ENC1: variants seen among roughly 807,000 people sequenced by gnomAD.
ENC1 encodes the protein ectodermal-neural cortex 1.
ENC1 carries 19 observed loss-of-function variants against 40.9 expected under a neutral mutation model. That is an observed-to-expected ratio of 0.46 (90% confidence interval 0.32 to 0.68). The LOEUF (loss-of-function observed/expected upper bound fraction) is 0.68, where lower values mean the gene tolerates loss of function less well. Among genes scored for constraint, ENC1 ranks in the 30% least tolerant of loss-of-function variants. ENC1 has a pLI of 0.03. For missense variants in ENC1, 479 were observed against 737.5 expected, an observed-to-expected ratio of 0.65 and a Z score of 4.06; for synonymous variants, 285 against 291.1, an observed-to-expected ratio of 0.98 and a Z score of 0.21.
At chr5:74,631,381 T>C (rs1747387679) in intron 2 of ENC1, among the ~76,000 whole-genome samples, 2 of 152,218 alleles carry the variant, frequency 1.3e-5, no homozygotes, top group Non-Finnish European at 2.9e-5. Context: ...GGAAACTTTC[T>C]GTTAAACACT....
In ENC1 at chr5:74,640,594, G is replaced by C. The variant is rs1224259622; in HGVS notation, c.-301C>G. On this transcript the variant is annotated 5_prime_UTR_variant, in exon 1 of 3. Transcript: ENST00000302351. Reference sequence around the variant, plus strand: ...GCAAGCCTGCCACTGCAGGCGCCGCGGAAGGAGGCGGGCTGTGCGCTCGGG... The same window carrying C: ...GCAAGCCTGCCACTGCAGGCGCCGCCGAAGGAGGCGGGCTGTGCGCTCGGG... 6.6e-6 allele frequency: 1 copy of C among 152,368 alleles called. No individual in the cohort carries two copies. The highest frequency in any genetic ancestry group is 6.5e-5 in the Admixed American group (1 of 15,296). 9.4% of individuals were successfully genotyped at this position (152,368 alleles called of 1,614,324 possible). A position where few individuals can be genotyped will look rare whatever the true frequency, so the allele number is the denominator to read the frequency against.
intron 1 of ENC1, 39 bp downstream of exon 1, chr5:74,640,268 A>C (rs1223134978): frequency 2.0e-5 from 3 of 153,060 alleles, no homozygotes; most frequent in East Asian, 3.8e-4. Context: ...TGAAGCCCGC[A>C]GCGCCTGCAA....
intron 1 of ENC1, among the ~76,000 whole-genome samples, chr5:74,638,836 C>T (rs1747711793): frequency 6.6e-6 from 1 of 152,202 alleles, no homozygotes; most frequent in Admixed American, 6.5e-5. Context: ...GAATGAGGCT[C>T]CCTGAAACTA....
rs1326116298 is a variant in ENC1, at chr5:74,635,039, G to A, written c.1447C>T (p.Arg483Cys). ...CCCAGCACAGCTGCTGCTGTGTAAC[G>A]CCAGGGCTGGGGACAGGTGGCCGGT... is the stretch of plus-strand genomic sequence containing the variant. ...TVPATCPQPW[R>C]YTAAAVLGNQ... The change falls in exon 2 of 3, where the codon CGT (arginine) becomes TGT (cysteine). Residue 483 changes from arginine (R) to cysteine (C), a missense_variant. Arg to Cys is a radical substitution (Grantham distance 180). Transcript: ENST00000302351. This position sits in a 1 kb window ranked among gnomAD's most constrained non-coding sequence, Gnocchi z 5.5. 7 of 1,614,150 alleles carry A rather than the reference G, an allele frequency of 4.3e-6. No individual in the cohort carries two copies. The highest frequency in any genetic ancestry group is 2.7e-5 in the African/African-American group (2 of 75,046).
At chr5:74,633,148 A>G (rs764949995) in intron 2 of ENC1, among the ~76,000 whole-genome samples, 2 of 152,212 alleles carry the variant, frequency 1.3e-5, no homozygotes, top group Non-Finnish European at 2.9e-5. Flanking sequence ...TGAATCACCA[A>G]AACAAGTCAA....
chr5:74,634,990 C>G lies in ENC1; in HGVS notation c.1496G>C (p.Gly499Ala). The G allele has an allele frequency of 6.2e-7, 1 of 1,614,052 alleles. No homozygotes were observed. The highest frequency in any genetic ancestry group is 8.5e-7 in the Non-Finnish European group (1 of 1,179,934). ...AGAGCAGGCAGAGAATTCTGTATCA[C>G]CCCCCATAATAAAAATCTGGTTCCC... The part of the protein sequence containing the change: ...VLGNQIFIMG[G>A]DTEFSACSAY... Residue 499 changes from glycine to alanine, a missense_variant, in exon 2 of 3, where the codon GGT becomes GCT. Transcript: ENST00000302351.
Position 74,636,533 on chromosome 5 carries a change from G to T in ENC1, c.-13-35C>A. The T allele has an allele frequency of 8.3e-7, 1 of 1,202,422 alleles. No homozygotes were observed. Among genetic ancestry groups the T allele is most frequent in the Non-Finnish European group, 1.2e-6 (1 of 851,484 alleles). 74.5% of individuals were successfully genotyped at this position (1,202,422 alleles called of 1,614,324 possible). On this transcript the variant is annotated intron_variant, in intron 1 of 2. Coordinates refer to ENST00000302351, the MANE Select transcript of ENC1 (RefSeq NM_003633.4). This position sits in a 1 kb window ranked among gnomAD's most constrained non-coding sequence, Gnocchi z 4.8. ...ATAATAATAATAAATTGAAAATGATGCTCCTGATGTTCAGAACAGCAGAAC... is the reference window on the plus strand; with the variant it reads ...ATAATAATAATAAATTGAAAATGATTCTCCTGATGTTCAGAACAGCAGAAC...
Position 74,636,034 on chromosome 5 carries a change from C to G in ENC1, c.452G>C (p.Gly151Ala). 1 of 1,614,130 alleles carries G rather than the reference C, an allele frequency of 6.2e-7. No individual in the cohort carries two copies. The highest frequency in any genetic ancestry group is 8.5e-7 in the Non-Finnish European group (1 of 1,180,016). The change falls in exon 2 of 3, where the codon GGC becomes GCC. Residue 151 changes from glycine (G) to alanine (A), a missense_variant. Transcript: ENST00000302351. The surrounding 1 kb of genome is among the most constrained non-coding windows in gnomAD (Gnocchi z 4.8). ...GTGTGCATCAGACAGCAGCAGCATG[C>G]CCAGGCAGTTGGTGGGATGCAGGTT... is the stretch of plus-strand genomic sequence containing the variant. ...EKNLHPTNCL[G>A]MLLLSDAHQC...
chr5:74,636,580 CA>C lies in ENC1; in HGVS notation c.-13-83del. 1.3e-6 allele frequency: 1 copy of C among 791,614 alleles called. No individual in the cohort carries two copies. The highest frequency in any genetic ancestry group is 2.0e-6 in the Non-Finnish European group (1 of 502,380). The allele number at this position is 791,614 out of a possible 1,614,324, so 49.0% of individuals were successfully genotyped here. ...GAACGAAAGCAACAATGGTTTTGCA[CA>C]AAAAACAGAACACTTTGTTGTTGAC... On this transcript the variant is annotated intron_variant, in intron 1 of 2. Transcript: ENST00000302351. This position sits in a 1 kb window ranked among gnomAD's most constrained non-coding sequence, Gnocchi z 4.8.
At chr5:74,631,132 C>A (rs1004210083) in intron 2 of ENC1, among the ~76,000 whole-genome samples, 1 of 151,052 alleles carries the variant, frequency 6.6e-6, no homozygotes, top group African/African-American at 2.4e-5. Context: ...ACCCTCCCCC[C>A]AAAAAATTGC....
rs1486753652 is a variant in ENC1 at position 74,635,614 on chromosome 5, C to T, written c.872G>A (p.Arg291Gln). The change falls in exon 2 of 3, where the codon CGG (arginine) becomes CAG (glutamine). Residue 291 changes from arginine to glutamine, a missense_variant. Physicochemically the swap from Arg to Gln is conservative, Grantham distance 43. Coordinates refer to ENST00000302351, the MANE Select transcript of ENC1 (RefSeq NM_003633.4). The surrounding 1 kb of genome is among the most constrained non-coding windows in gnomAD (Gnocchi z 5.5). ...AAGGAAGAGGGCATGGCCAGTTTTCCGAGGTCGGGCACAGAGGCTGGTTAC... is the reference window on the plus strand; with the variant it reads ...AAGGAAGAGGGCATGGCCAGTTTTCTGAGGTCGGGCACAGAGGCTGGTTAC... Reference protein sequence around the residue: ...GVVTSLCARPRKTGHALFLLG... With the variant: ...GVVTSLCARPQKTGHALFLLG... 6.2e-7 allele frequency: 1 copy of T among 1,614,090 alleles called. No individual in the cohort carries two copies. Among genetic ancestry groups the T allele is most frequent in the East Asian group, 2.2e-5 (1 of 44,894 alleles).
At position 74,636,614 on chromosome 5, in the gene ENC1, C is replaced by G; in HGVS notation, c.-13-116G>C. Reference sequence around the variant, plus strand: ...GAACACTTTGTTGTTGACCATGCCACCTACTATTCTAGAATAGTGTATGGC... The same window carrying G: ...GAACACTTTGTTGTTGACCATGCCAGCTACTATTCTAGAATAGTGTATGGC... On this transcript the variant is annotated intron_variant, in intron 1 of 2. Transcript: ENST00000302351. The surrounding 1 kb of genome is among the most constrained non-coding windows in gnomAD (Gnocchi z 4.8). 1 of 641,122 alleles carries G rather than the reference C, an allele frequency of 1.6e-6. No homozygotes were observed. Among genetic ancestry groups the G allele is most frequent in the Non-Finnish European group, 2.7e-6 (1 of 374,460 alleles). The allele number at this position is 641,122 out of a possible 1,614,324, so 39.7% of individuals were successfully genotyped here.
rs1464877187 is a variant in ENC1, at chr5:74,629,253, C to T, written c.*772G>A. 1 of 151,192 alleles carries T rather than the reference C, an allele frequency of 6.6e-6. No individual in the cohort carries two copies. Among genetic ancestry groups the T allele is most frequent in the Non-Finnish European group, 1.5e-5 (1 of 67,812 alleles). The allele number at this position is 151,192 out of a possible 1,614,324, so 9.4% of individuals were successfully genotyped here. On this transcript the variant is annotated 3_prime_UTR_variant, in exon 3 of 3. Coordinates refer to ENST00000302351, the MANE Select transcript of ENC1 (RefSeq NM_003633.4). ...CATGTTTGTGCAGCAAAGCACATCTCAACAGCCACAAAATGTGCAAAACGT... is the reference window on the plus strand; with the variant it reads ...CATGTTTGTGCAGCAAAGCACATCTTAACAGCCACAAAATGTGCAAAACGT...
chr5:74,638,460 G>A (rs569254502), intron 1 of ENC1, among the ~76,000 whole-genome samples: 1 of 152,168 alleles, frequency 6.6e-6, no homozygotes, highest in Non-Finnish European at 1.5e-5. Context: ...AAGTCCTAGA[G>A]CTCCAGTGTT....
rs1367499945 is a variant in ENC1 at position 74,629,392 on chromosome 5, A to G, written c.*633T>C. ...TAACAAACTTCTTAACAGCCAAGGG[A>G]AAGTTTAAAGTCACTTATAAATAGA... On this transcript the variant is annotated 3_prime_UTR_variant, in exon 3 of 3. Transcript: ENST00000302351. 2.6e-5 allele frequency: 4 copies of G among 152,250 alleles called. No individual in the cohort carries two copies. The highest frequency in any genetic ancestry group is 7.2e-5 in the African/African-American group (3 of 41,454). 9.4% of individuals were successfully genotyped at this position (152,250 alleles called of 1,614,324 possible).
At chr5:74,631,596 C>T (rs1747396091) in intron 2 of ENC1, among the ~76,000 whole-genome samples, 1 of 152,216 alleles carries the variant, frequency 6.6e-6, no homozygotes, top group South Asian at 2.1e-4. Context: ...TTACGCTGCC[C>T]TTTAAAAGCA....
chr5:74,634,655 A>T, intron 2 of ENC1, 29 bp downstream of exon 2: 3 of 1,090,012 alleles, frequency 2.8e-6, no homozygotes, highest in Non-Finnish European at 4.1e-6. Flanking sequence ...AATTATATGC[A>T]TACTTACATC....
intron 1 of ENC1, among the ~76,000 whole-genome samples, chr5:74,639,464 T>A (rs1331631759): frequency 6.6e-6 from 1 of 152,248 alleles, no homozygotes. Flanking sequence ...GTTCACTTCA[T>A]GCTCCTAACT....
At chr5:74,639,636 T>A (rs558424328) in intron 1 of ENC1, among the ~76,000 whole-genome samples, 1 of 152,364 alleles carries the variant, frequency 6.6e-6, no homozygotes, top group South Asian at 2.1e-4. Context: ...AAGTAGCTTC[T>A]TGCCAGAGTC....
Sources: gnomAD v4.1 joint callset for allele counts (sites outside exome capture counted in the v4.1 genomes callset) on GRCh38, gnomAD v4.1.1 for gene constraint, Gnocchi (gnomAD v3.1) non-coding constraint, MANE v1.5 for transcripts, NCBI Gene and HGNC (gene_info 2026-07-23, HGNC 2026-07-21) for gene names.